Variants in KCNJ3 observed in about 807,000 individuals in gnomAD.
KCNJ3 encodes the protein G protein-activated inward rectifier potassium channel 1.
KCNJ3 carries 4 observed loss-of-function variants against 39.2 expected under a neutral mutation model. That is an observed-to-expected ratio of 0.10 (90% CI 0.05 to 0.23). KCNJ3 has a LOEUF of 0.23. Ranked by LOEUF, KCNJ3 falls within the 10% of genes least tolerant of loss-of-function variation. The pLI, the probability that KCNJ3 is intolerant of heterozygous loss-of-function variation, is 1.00. For synonymous variants in KCNJ3, 230 were observed against 237.4 expected, an observed-to-expected ratio of 0.97 and a Z score of 0.29; for missense variants, 276 against 634.9, an observed-to-expected ratio of 0.43 and a Z score of 6.08.
chr2:154,725,711 A>G (rs1685342072), intron 2 of KCNJ3, among the ~76,000 whole-genome samples: 1 of 152,170 alleles, frequency 6.6e-6, no homozygotes, highest in Non-Finnish European at 1.5e-5. Flanking sequence ...ACTATACTAT[A>G]AGGTTACAGT....
chr2:154,821,203 T>A (rs1171766848), intron 2 of KCNJ3, among the ~76,000 whole-genome samples: 1 of 152,206 alleles, frequency 6.6e-6, no homozygotes, highest in Non-Finnish European at 1.5e-5. Flanking sequence ...AGTCTCATCT[T>A]GTGCATTTTT....
At chr2:154,789,043 G>A (rs1686583213) in intron 2 of KCNJ3, among the ~76,000 whole-genome samples, 1 of 151,972 alleles carries the variant, frequency 6.6e-6, no homozygotes, top group South Asian at 2.1e-4. Context: ...GAATTTGTTG[G>A]TGTGAATGTT....
intron 1 of KCNJ3, among the ~76,000 whole-genome samples, chr2:154,707,726 A>T (rs1403051046): frequency 1.3e-5 from 2 of 152,156 alleles, no homozygotes; most frequent in African/African-American, 4.8e-5. Flanking sequence ...GGTCAGCAAA[A>T]AGACCCAAAT....
intron 2 of KCNJ3, among the ~76,000 whole-genome samples, chr2:154,744,757 C>G (rs897251816): frequency 6.6e-6 from 1 of 151,734 alleles, no homozygotes; most frequent in African/African-American, 2.4e-5. Context: ...TTCCAACAAC[C>G]AGGTACATGT....
chr2:154,755,411 C>T (rs959851739), intron 2 of KCNJ3, among the ~76,000 whole-genome samples: 17 of 151,336 alleles, frequency 1.1e-4, no homozygotes, highest in Non-Finnish European at 4.4e-5. Context: ...AGCTTTGTTG[C>T]TAAATTTTCA....
At chr2:154,759,141 C>A (rs957724142) in intron 2 of KCNJ3, among the ~76,000 whole-genome samples, 3 of 152,302 alleles carry the variant, frequency 2.0e-5, no homozygotes, top group Middle Eastern at 3.4e-3. Flanking sequence ...CTGTAGCCAA[C>A]ACAGAGCAAG....
chr2:154,723,996 T>G (rs948016342), intron 2 of KCNJ3, among the ~76,000 whole-genome samples: 18 of 152,176 alleles, frequency 1.2e-4, no homozygotes, highest in Non-Finnish European at 2.4e-4. Flanking sequence ...TATACATTTG[T>G]ATTTCGTAAT....
At chr2:154,810,713 A>G (rs528041597) in intron 2 of KCNJ3, among the ~76,000 whole-genome samples, 1 of 152,336 alleles carries the variant, frequency 6.6e-6, no homozygotes, top group South Asian at 2.1e-4. Context: ...AGATGAATTA[A>G]AAAATAAAAA....
At chr2:154,815,196 T>C (rs1184097066) in intron 2 of KCNJ3, among the ~76,000 whole-genome samples, 1 of 152,214 alleles carries the variant, frequency 6.6e-6, no homozygotes, top group Non-Finnish European at 1.5e-5. Context: ...TGTATCTTTT[T>C]TTTTCTCCTT....
chr2:154,771,632 C>G (rs575772404), intron 2 of KCNJ3, among the ~76,000 whole-genome samples: 1 of 152,204 alleles, frequency 6.6e-6, no homozygotes, highest in East Asian at 1.9e-4. Context: ...AAACTCTGGA[C>G]CAGTTATCAA....
At chr2:154,726,065 C>A (rs1685352847) in intron 2 of KCNJ3, among the ~76,000 whole-genome samples, 1 of 152,096 alleles carries the variant, frequency 6.6e-6, no homozygotes, top group Non-Finnish European at 1.5e-5. Context: ...GACTTCATGA[C>A]CACTATCCCA....
chr2:154,774,412 A>T (rs1686296350), intron 2 of KCNJ3, among the ~76,000 whole-genome samples: 1 of 152,078 alleles, frequency 6.6e-6, no homozygotes, highest in African/African-American at 2.4e-5. Context: ...GTAGCAATTT[A>T]TGGTCAGAAG....
Position 154,754,399 on chromosome 2 carries a change from G to A in KCNJ3, c.919+44580G>A, listed in dbSNP as rs1387427194. 2.6e-5 allele frequency among the ~76,000 whole-genome samples: 4 copies of A among 151,932 alleles called. No homozygotes were observed. The East Asian group carries it at 5.8e-4, about 22-fold the overall frequency. ...AGCGATTCTCCTGCCTCAGCCTCCC[G>A]AGTAGCTGGGATTCCAGGCATGTGC... On this transcript the variant is annotated intron_variant, in intron 2 of 2. Transcript: ENST00000295101.
chr2:154,811,991 C>T (rs1355109276), intron 2 of KCNJ3, among the ~76,000 whole-genome samples: 3 of 152,106 alleles, frequency 2.0e-5, no homozygotes. Flanking sequence ...AAGTCCTGTT[C>T]AGCATCCGTT....
At chr2:154,703,307 G>A (rs1245944185) in intron 1 of KCNJ3, among the ~76,000 whole-genome samples, 1 of 152,014 alleles carries the variant, frequency 6.6e-6, no homozygotes, top group African/African-American at 2.4e-5. Context: ...GAAGCATAAT[G>A]TTACTTCTTT....
chr2:154,782,591 G>A (rs1171272068), intron 2 of KCNJ3, among the ~76,000 whole-genome samples: 1 of 151,956 alleles, frequency 6.6e-6, no homozygotes, highest in Admixed American at 6.6e-5. Flanking sequence ...AGAAATTGAA[G>A]GCCAAATGAC....
chr2:154,711,729 A>G (rs1223242480), intron 2 of KCNJ3, among the ~76,000 whole-genome samples: 3 of 152,132 alleles, frequency 2.0e-5, no homozygotes, highest in Non-Finnish European at 4.4e-5. Context: ...CCTACATGGC[A>G]TCTTAAGGGA....
chr2:154,849,241 T>C (rs1687714686), intron 2 of KCNJ3, among the ~76,000 whole-genome samples: 1 of 152,194 alleles, frequency 6.6e-6, no homozygotes, highest in African/African-American at 2.4e-5. Context: ...AAATAGTGCT[T>C]AGAGAGATAC....
At chr2:154,779,639 G>T (rs1481561300) in intron 2 of KCNJ3, among the ~76,000 whole-genome samples, 1 of 151,178 alleles carries the variant, frequency 6.6e-6, no homozygotes, top group Admixed American at 6.6e-5. Context: ...CACCTCCCGG[G>T]TTCAAGTGAT....
Sources: gnomAD v4.1 joint callset for allele counts (sites outside exome capture counted in the v4.1 genomes callset) on GRCh38, gnomAD v4.1.1 for gene constraint, MANE v1.5 for transcripts, NCBI Gene and HGNC (gene_info 2026-07-23, HGNC 2026-07-21) for gene names.